STARD13: variants seen among roughly 807,000 people sequenced by gnomAD.
STARD13 encodes StAR related lipid transfer domain containing 13.
Under a neutral mutation model 106.4 loss-of-function variants are expected in STARD13, and 62 were observed. The ratio of observed to expected loss-of-function variants is 0.58; its 90% CI spans 0.48 to 0.72. The LOEUF is 0.72. Ranked by LOEUF, STARD13 falls within the 30% of genes least tolerant of loss-of-function variation. STARD13 has a pLI of 0.00. For missense variants in STARD13, 1,387 were observed against 1,424.0 expected (o/e 0.97, Z 0.42); for synonymous variants, 565 against 553.0 (o/e 1.02, Z -0.31).
the STARD13 span, among the ~76,000 whole-genome samples, chr13:33,489,078 C>A: frequency 2.0e-4 from 30 of 152,232 alleles, no homozygotes; most frequent in Admixed American, 2.0e-3. Context: ...TCACACCCTG[C>A]CTAAATGATT....
chr13:33,419,571 G>T, the STARD13 span, among the ~76,000 whole-genome samples: 1 of 152,166 alleles, frequency 6.6e-6, no homozygotes, highest in Non-Finnish European at 1.5e-5. Flanking sequence ...AACCTAGCAA[G>T]GCAGGCCAAC....
chr13:33,673,819 G>A, the STARD13 span, among the ~76,000 whole-genome samples: 2 of 151,572 alleles, frequency 1.3e-5, no homozygotes, highest in Non-Finnish European at 2.9e-5. Context: ...TTACAGGTGT[G>A]AGCCACTGAG....
intron 1 of STARD13, chr13:33,281,577 T>G (rs1331810948): frequency 1.3e-5 from 2 of 152,082 alleles, no homozygotes; most frequent in Non-Finnish European, 2.9e-5. Context: ...CCCATTAAGA[T>G]GGCTACTAAT....
chr13:33,447,977 G>A, the STARD13 span, among the ~76,000 whole-genome samples: 1 of 152,072 alleles, frequency 6.6e-6, no homozygotes, highest in Non-Finnish European at 1.5e-5. Context: ...TAGTGAAAGA[G>A]GTTATGTATG....
chr13:33,568,585 T>G, the STARD13 span, among the ~76,000 whole-genome samples: 2 of 147,938 alleles, frequency 1.4e-5, no homozygotes, highest in Middle Eastern at 3.2e-3. Context: ...GTTCCCTGAC[T>G]ACGTAGGGCT....
At chr13:33,260,053 A>T (rs1401548274) in intron 1 of STARD13, among the ~76,000 whole-genome samples, 5 of 152,020 alleles carry the variant, frequency 3.3e-5, no homozygotes, top group Non-Finnish European at 5.9e-5. Flanking sequence ...TAATTACCTC[A>T]TAACAATCCT....
intron 1 of STARD13, among the ~76,000 whole-genome samples, chr13:33,313,369 G>T (rs1893213812): frequency 6.6e-6 from 1 of 152,142 alleles, no homozygotes; most frequent in Non-Finnish European, 1.5e-5. Context: ...ATTTCCATTT[G>T]TATGTCCTTC....
chr13:33,499,511 C>CTTCTTCTTCTTCTTCT, the STARD13 span, among the ~76,000 whole-genome samples: 4 of 69,170 alleles, frequency 5.8e-5, no homozygotes, highest in East Asian at 6.3e-4. Flanking sequence ...TCTTCTTCTT[C>CTTCTTCTTCTTCTTCT]TTCTTTCTTT....
At chr13:33,326,738 C>T (rs1218778674) in intron 1 of STARD13, among the ~76,000 whole-genome samples, 1 of 152,208 alleles carries the variant, frequency 6.6e-6, no homozygotes, top group Non-Finnish European at 1.5e-5. Context: ...AATAAAATGA[C>T]TGCTTCTAAT....
At chr13:33,673,352 A>G in the STARD13 span, among the ~76,000 whole-genome samples, 1 of 152,150 alleles carries the variant, frequency 6.6e-6, no homozygotes, top group Non-Finnish European at 1.5e-5. Context: ...ATTTGTGGCC[A>G]TCTGAGAGGG....
At chr13:33,355,581 C>G (rs536902894), upstream of STARD13, 4 of 152,276 alleles carry the variant, frequency 2.6e-5, no homozygotes, top group Admixed American at 2.6e-4. Context: ...TCGCAACTCT[C>G]TCCCTGCAGC....
chr13:33,673,550 C>CTTTTTTTTTTTTTTTTTT, the STARD13 span, among the ~76,000 whole-genome samples: 8 of 137,194 alleles, frequency 5.8e-5, no homozygotes, highest in East Asian at 4.3e-4. Context: ...ACTATTAACT[C>CTTTTTTTTTTTTTTTTTT]TTTTTTTTTT....
the STARD13 span, among the ~76,000 whole-genome samples, chr13:33,499,762 T>TTA: frequency 2.6e-3 from 119 of 45,578 alleles, no homozygotes; most frequent in Non-Finnish European, 4.5e-3. Context: ...TTCTTCTTTC[T>TTA]TTTTTTTTTT....
chr13:33,624,093 G>A, the STARD13 span, among the ~76,000 whole-genome samples: 1 of 152,180 alleles, frequency 6.6e-6, no homozygotes, highest in Non-Finnish European at 1.5e-5. Context: ...ACACCTTCCA[G>A]CAAATCTGCT....
chr13:33,455,098 G>C, the STARD13 span, among the ~76,000 whole-genome samples: 1 of 152,118 alleles, frequency 6.6e-6, no homozygotes, highest in South Asian at 2.1e-4. Flanking sequence ...AAAACAGGAG[G>C]GAAAAAGTCT....
the STARD13 span, among the ~76,000 whole-genome samples, chr13:33,610,061 CAT>C: frequency 0.14 from 20,615 of 152,082 alleles, 2,213 homozygotes; most frequent in African/African-American, 0.29. Flanking sequence ...GCTAGATTTA[CAT>C]TGATATTCAC....
intron 13 of STARD13, 138 bp downstream of exon 13, chr13:33,106,620 C>T (rs1873741636): frequency 1.0e-5 from 7 of 679,656 alleles, no homozygotes; most frequent in Non-Finnish European, 4.6e-6. Flanking sequence ...CATACATATC[C>T]ACCTATGAAA....
the STARD13 span, among the ~76,000 whole-genome samples, chr13:33,433,827 G>A: frequency 1.3e-5 from 2 of 152,212 alleles, no homozygotes; most frequent in East Asian, 1.9e-4. Flanking sequence ...TGCCCCCTCT[G>A]TGTATTTCCT....
intron 1 of STARD13, among the ~76,000 whole-genome samples, chr13:33,233,968 A>G (rs1378536738): frequency 6.6e-6 from 1 of 152,168 alleles, no homozygotes; most frequent in Non-Finnish European, 1.5e-5. Context: ...TGCCCCTTCT[A>G]TGAGTCTGTT....
Sources: gnomAD v4.1 joint callset for allele counts (sites outside exome capture counted in the v4.1 genomes callset) on GRCh38, gnomAD v4.1.1 for gene constraint, MANE v1.5 for transcripts, NCBI Gene and HGNC (gene_info 2026-07-23, HGNC 2026-07-21) for gene names.